Variants in TXNDC16 observed in about 807,000 individuals in gnomAD.
TXNDC16 encodes the protein thioredoxin domain containing 16.
A neutral mutation model predicts 85.6 loss-of-function variants in TXNDC16; 74 were observed. That is an observed-to-expected ratio of 0.86 (90% CI 0.72 to 1.05). The LOEUF (loss-of-function observed/expected upper bound fraction) is 1.05. Among genes scored for constraint, TXNDC16 ranks in the 50% least tolerant of loss-of-function variants. The pLI, the probability that TXNDC16 is intolerant of heterozygous loss-of-function variation, is 0.00. For synonymous variants in TXNDC16, 335 were observed against 326.5 expected, an observed-to-expected ratio of 1.03 and a Z score of -0.28; for missense variants, 959 against 947.0, an observed-to-expected ratio of 1.01 and a Z score of -0.17.
chr14:52,436,488 T>C (rs982096218), intron 20 of TXNDC16, among the ~76,000 whole-genome samples: 2 of 152,092 alleles, frequency 1.3e-5, no homozygotes, highest in Non-Finnish European at 2.9e-5. Flanking sequence ...GTTCTGGAAT[T>C]CAACAATGGT....
intron 18 of TXNDC16, among the ~76,000 whole-genome samples, chr14:52,453,778 T>G (rs2035465683): frequency 6.6e-6 from 1 of 152,132 alleles, no homozygotes; most frequent in Admixed American, 6.5e-5. Context: ...GTACAGCCTC[T>G]GGTTGTACTA....
intron 5 of TXNDC16, 110 bp from the exon 6 acceptor site, chr14:52,536,903 C>T (rs2037715313): frequency 1.1e-6 from 1 of 897,358 alleles, no homozygotes; most frequent in Non-Finnish European, 1.7e-6. Flanking sequence ...TTTGATGTTA[C>T]AGCTGTGTCT....
At chr14:52,482,207 G>T in intron 14 of TXNDC16, 23 bp downstream of exon 14, 1 of 1,576,798 alleles carries the variant, frequency 6.3e-7, no homozygotes. Flanking sequence ...AGAATAATAA[G>T]CATGCATAGC....
chr14:52,445,180 A>T (rs956395279), intron 18 of TXNDC16, among the ~76,000 whole-genome samples: 2 of 152,168 alleles, frequency 1.3e-5, no homozygotes, highest in Non-Finnish European at 2.9e-5. Flanking sequence ...GCTTCTAGTA[A>T]TTCCAAAAAT....
intron 9 of TXNDC16, among the ~76,000 whole-genome samples, chr14:52,510,372 C>A (rs1401257254): frequency 1.3e-5 from 2 of 152,210 alleles, no homozygotes; most frequent in African/African-American, 4.8e-5. Context: ...AAACACTTAT[C>A]AATAGTTCCA....
rs752925929 is a variant in TXNDC16, at chr14:52,514,989, G to A, written c.515-19C>T. On this transcript the variant is annotated intron_variant, in intron 7 of 20. Transcript: ENST00000281741. ...CTGTGCTCTGAAGAAGAGATAAAGG[G>A]AGTTGGAAGACAGGAAAAAATAGTT... The A allele has an allele frequency of 6.3e-7, 1 of 1,586,360 alleles. No individual in the cohort carries two copies. Among genetic ancestry groups the A allele is most frequent in the African/African-American group, 1.4e-5 (1 of 74,034 alleles).
rs534284208 is a variant in TXNDC16 at position 52,458,094 on chromosome 14, A to G, written c.1619-920T>C. On this transcript the variant is annotated intron_variant, in intron 16 of 20. Coordinates refer to ENST00000281741, the MANE Select transcript of TXNDC16 (RefSeq NM_020784.3). Reference sequence around the variant, plus strand: ...GATCTGTACCTCAGCAGTCAGCACTACATTCATGATGTAAGCATTCAACAT... The same window carrying G: ...GATCTGTACCTCAGCAGTCAGCACTGCATTCATGATGTAAGCATTCAACAT... Among the ~76,000 whole-genome samples the G allele has an allele frequency of 6.6e-5, 10 of 152,336 alleles. 1 individual carries two copies. In the South Asian group the frequency reaches 2.1e-3, roughly 32 times the overall value.
chr14:52,488,342 G>C, intron 12 of TXNDC16, 21 bp downstream of exon 12: 1 of 1,610,348 alleles, frequency 6.2e-7, no homozygotes, highest in Non-Finnish European at 8.5e-7. Context: ...TGGGGAAGGG[G>C]TGAGAATCAT....
intron 6 of TXNDC16, among the ~76,000 whole-genome samples, chr14:52,526,678 A>C (rs1420841154): frequency 6.6e-6 from 1 of 152,204 alleles, no homozygotes; most frequent in East Asian, 1.9e-4. Flanking sequence ...ACATCCTTAC[A>C]ATCTCCACCA....
Position 52,455,342 on chromosome 14 carries a change from A to C in TXNDC16, c.1824T>G (p.Asp608Glu). 1 of 1,613,676 alleles carries C rather than the reference A, an allele frequency of 6.2e-7. No individual in the cohort carries two copies. The highest frequency in any genetic ancestry group is 8.5e-7 in the Non-Finnish European group (1 of 1,179,808). The part of the protein sequence containing the change: ...HAQDIVQIIT[D>E]ALLEMFPEIT... Reference sequence around the variant, plus strand: ...TACTCACAAACATTTCCAGTAGTGCATCTGTTATTATTTGAACTATGTCTT... The same window carrying C: ...TACTCACAAACATTTCCAGTAGTGCCTCTGTTATTATTTGAACTATGTCTT... The change falls in exon 18 of 21, where the codon GAT becomes GAG. Residue 608 changes from aspartate to glutamate, a missense_variant. Asp to Glu is a conservative substitution (Grantham distance 45). Transcript: ENST00000281741.
At chr14:52,531,822 T>C (rs899057586) in intron 6 of TXNDC16, among the ~76,000 whole-genome samples, 3 of 152,194 alleles carry the variant, frequency 2.0e-5, no homozygotes, top group Non-Finnish European at 4.4e-5. Context: ...AATATGTCAA[T>C]ATTGGTTCAT....
At chr14:52,537,808 T>C (rs2037738093) in intron 4 of TXNDC16, 136 bp from the exon 5 acceptor site, 1 of 590,980 alleles carries the variant, frequency 1.7e-6, no homozygotes, top group South Asian at 2.0e-5. Context: ...TTCTGATTTG[T>C]ATGCTATAAT....
At chr14:52,531,806 G>A (rs1005114329) in intron 6 of TXNDC16, among the ~76,000 whole-genome samples, 1 of 152,102 alleles carries the variant, frequency 6.6e-6, no homozygotes, top group East Asian at 1.9e-4. Flanking sequence ...ATGTACTTTA[G>A]TCAATAATAT....
At chr14:52,451,562 G>A (rs912149168) in intron 18 of TXNDC16, among the ~76,000 whole-genome samples, 2 of 151,928 alleles carry the variant, frequency 1.3e-5, no homozygotes, top group African/African-American at 4.8e-5. Flanking sequence ...CAATCAATGT[G>A]ATACATTATA....
intron 11 of TXNDC16, among the ~76,000 whole-genome samples, chr14:52,489,592 G>A (rs1032865589): frequency 2.0e-5 from 3 of 152,166 alleles, no homozygotes; most frequent in African/African-American, 7.2e-5. Flanking sequence ...AATATTCACA[G>A]AAATTTTTGT....
chr14:52,483,192 A>C (rs2036189726), intron 12 of TXNDC16, among the ~76,000 whole-genome samples: 1 of 152,186 alleles, frequency 6.6e-6, no homozygotes, highest in South Asian at 2.1e-4. Context: ...TTTCAAAATT[A>C]AAATTTGTTC....
intron 9 of TXNDC16, among the ~76,000 whole-genome samples, chr14:52,496,413 CTCG>C (rs1160558749): frequency 7.2e-6 from 1 of 138,610 alleles, no homozygotes; most frequent in East Asian, 2.1e-4. Flanking sequence ...TGCCCTCCAA[CTCG>C]TCTTTTTTTT....
chr14:52,438,983 C>T (rs1480900485), intron 20 of TXNDC16, among the ~76,000 whole-genome samples: 1 of 152,112 alleles, frequency 6.6e-6, no homozygotes, highest in East Asian at 1.9e-4. Flanking sequence ...ATACAAGTAA[C>T]ATGGACTCAA....
At chr14:52,507,365 A>G (rs2140177173) in intron 9 of TXNDC16, among the ~76,000 whole-genome samples, 1 of 152,166 alleles carries the variant, frequency 6.6e-6, no homozygotes, top group South Asian at 2.1e-4. Flanking sequence ...AAGGGATGTG[A>G]AGGACCTCTT....
Sources: gnomAD v4.1 joint callset for allele counts (sites outside exome capture counted in the v4.1 genomes callset) on GRCh38, gnomAD v4.1.1 for gene constraint, MANE v1.5 for transcripts, NCBI Gene and HGNC (gene_info 2026-07-23, HGNC 2026-07-21) for gene names.